Variants in TBC1D22A observed in about 807,000 individuals in gnomAD.
TBC1D22A encodes the protein putative GTPase activator.
In TBC1D22A, 38 loss-of-function variants were observed where a neutral mutation model predicts 60.2. The ratio of observed to expected loss-of-function variants is 0.63; its 90% CI spans 0.49 to 0.83. TBC1D22A has a LOEUF of 0.83. TBC1D22A is among the 40% of genes least tolerant of loss of function. The pLI, the probability that TBC1D22A is intolerant of heterozygous loss-of-function variation, is 0.00. For synonymous variants in TBC1D22A, 302 were observed against 281.7 expected (o/e 1.07, Z -0.72); for missense variants, 628 against 701.0 (o/e 0.90, Z 1.18).
rs138353598 is a variant in TBC1D22A at position 46,956,046 on chromosome 22, C to A, written c.1016-18244C>A. ...ACCTTTTTCAGTATGTGAAAATGATCAGGGTATAAATAAAAACAATAGGAC... is the reference window on the plus strand; with the variant it reads ...ACCTTTTTCAGTATGTGAAAATGATAAGGGTATAAATAAAAACAATAGGAC... On this transcript the variant is annotated intron_variant, in intron 8 of 12. Coordinates refer to ENST00000337137, the MANE Select transcript of TBC1D22A (RefSeq NM_014346.5). 2.2e-3 allele frequency among the ~76,000 whole-genome samples: 331 copies of A among 152,192 alleles called. 1 individual carries two copies. The highest frequency in any genetic ancestry group is 3.9e-3 in the Non-Finnish European group (266 of 67,998).
intron 4 of TBC1D22A, among the ~76,000 whole-genome samples, chr22:46,871,926 T>C (rs1293591779): frequency 6.6e-6 from 1 of 151,918 alleles, no homozygotes; most frequent in Admixed American, 6.5e-5. Flanking sequence ...GTTGGACTAA[T>C]GAACAGAAAA....
In TBC1D22A at chr22:47,136,265, C is replaced by T. The variant is rs563809447; in HGVS notation, c.1425+24662C>T. 1.4e-4 allele frequency among the ~76,000 whole-genome samples: 22 copies of T among 152,332 alleles called. No homozygotes were observed. In the South Asian group the frequency reaches 4.3e-3, roughly 30 times the overall value. ...CTAGGAGCAGTGAGGGTCCTGGCCC[C>T]CGCCCCAGGTCCCCACAGCCCCTTT... On this transcript the variant is annotated intron_variant, in intron 12 of 12. Coordinates refer to ENST00000337137, the MANE Select transcript of TBC1D22A (RefSeq NM_014346.5).
At chr22:47,129,777 C>CA (rs1351730111) in intron 12 of TBC1D22A, among the ~76,000 whole-genome samples, 4 of 152,230 alleles carry the variant, frequency 2.6e-5, no homozygotes, top group African/African-American at 9.6e-5. Flanking sequence ...TTTTGAGAGA[C>CA]TTTGACCAAA....
At chr22:46,819,323 G>C (rs567008483) in intron 4 of TBC1D22A, among the ~76,000 whole-genome samples, 1 of 152,262 alleles carries the variant, frequency 6.6e-6, no homozygotes, top group Admixed American at 6.5e-5. Flanking sequence ...TTTTCAGAGG[G>C]AATGCTTCCA....
At chr22:46,830,124 G>A (rs1456388989) in intron 4 of TBC1D22A, among the ~76,000 whole-genome samples, 1 of 152,256 alleles carries the variant, frequency 6.6e-6, no homozygotes, top group Non-Finnish European at 1.5e-5. Flanking sequence ...CTGGAAGGGT[G>A]TGGAGCTGGG....
chr22:47,127,720 G>A (rs1049288092), intron 12 of TBC1D22A, among the ~76,000 whole-genome samples: 1 of 152,096 alleles, frequency 6.6e-6, no homozygotes, highest in African/African-American at 2.4e-5. Context: ...CAGGCACTGA[G>A]CACTTTTCCC....
At chr22:47,110,953 A>G (rs1224938432) in intron 11 of TBC1D22A, among the ~76,000 whole-genome samples, 1 of 152,218 alleles carries the variant, frequency 6.6e-6, no homozygotes, top group Non-Finnish European at 1.5e-5. Context: ...GAGGAGAGAC[A>G]TGGGTGGTGA....
At chr22:47,036,235 T>C (rs887380542) in intron 10 of TBC1D22A, among the ~76,000 whole-genome samples, 1 of 152,156 alleles carries the variant, frequency 6.6e-6, no homozygotes, top group African/African-American at 2.4e-5. Flanking sequence ...AATGATTATT[T>C]GTTTTTATAA....
At chr22:46,905,480 G>A (rs2069395989) in intron 7 of TBC1D22A, among the ~76,000 whole-genome samples, 1 of 152,212 alleles carries the variant, frequency 6.6e-6, no homozygotes, top group African/African-American at 2.4e-5. Flanking sequence ...GGTCCGTGCA[G>A]GGTGTCCTGA....
At chr22:46,898,907 A>G (rs12170769) in intron 7 of TBC1D22A, among the ~76,000 whole-genome samples, 17,248 of 152,106 alleles carry the variant, frequency 0.11, 1,617 homozygotes, top group African/African-American at 0.26. Context: ...TTGAAATTCA[A>G]TTTCCTTTCA....
At chr22:47,139,523 A>G (rs368434139) in intron 12 of TBC1D22A, among the ~76,000 whole-genome samples, 1 of 152,152 alleles carries the variant, frequency 6.6e-6, no homozygotes. Context: ...CCTCCTGTAC[A>G]TTGAGCAGAG....
chr22:46,889,069 A>G (rs771180148), intron 5 of TBC1D22A, among the ~76,000 whole-genome samples: 8 of 152,242 alleles, frequency 5.3e-5, no homozygotes, highest in Non-Finnish European at 7.3e-5. Context: ...ACTGGACTTC[A>G]TGAAACTTTA....
chr22:47,001,220 C>T (rs192419041), intron 10 of TBC1D22A, among the ~76,000 whole-genome samples: 42 of 151,890 alleles, frequency 2.8e-4, no homozygotes, highest in African/African-American at 9.4e-4. Context: ...TACTGGAGTT[C>T]CCCAGAATGC....
chr22:47,113,846 A>T (rs908502247), intron 12 of TBC1D22A, among the ~76,000 whole-genome samples: 8 of 152,116 alleles, frequency 5.3e-5, no homozygotes, highest in Non-Finnish European at 8.8e-5. Context: ...GGAGATAGGG[A>T]CAGCTGTGGA....
chr22:47,043,258 C>T (rs780197314), intron 11 of TBC1D22A, among the ~76,000 whole-genome samples: 6 of 152,160 alleles, frequency 3.9e-5, no homozygotes, highest in Non-Finnish European at 8.8e-5. Flanking sequence ...TGATGGGGCC[C>T]CAGGTTCTAG....
chr22:46,994,118 C>CT (rs991807377), intron 9 of TBC1D22A, among the ~76,000 whole-genome samples: 4 of 151,838 alleles, frequency 2.6e-5, no homozygotes, highest in African/African-American at 9.7e-5. Context: ...AGGTGTCATT[C>CT]TTTTTTTTTA....
intron 9 of TBC1D22A, among the ~76,000 whole-genome samples, chr22:46,982,873 G>T (rs1338264036): frequency 6.6e-6 from 1 of 152,184 alleles, no homozygotes; most frequent in African/African-American, 2.4e-5. Context: ...CGGTGGCAGC[G>T]GTGGGGCGCC....
At chr22:46,767,937 C>T (rs1011233017) in intron 1 of TBC1D22A, 1 of 152,794 alleles carries the variant, frequency 6.5e-6, no homozygotes, top group African/African-American at 2.4e-5. Context: ...AAGACATGGA[C>T]TGTTCTTTGA....
Position 46,793,711 on chromosome 22 carries a change from G to A in TBC1D22A, c.330G>A (p.Gly110=), listed in dbSNP as rs149181794. 211 of 1,611,614 alleles carry A rather than the reference G, an allele frequency of 1.3e-4. No individual in the cohort carries two copies. In the African/African-American group the frequency reaches 2.7e-3, roughly 20 times the overall value. ...RVLRNHSQRQ[G]RPTLQEGPGL... is the part of the protein sequence containing the mutation. ...TGCGTAACCACAGCCAGCGGCAGGG[G>A]CGGCCCACGCTGCAGGAGGGGCCAG... The change falls in exon 3 of 13, where the codon GGG becomes GGA. Residue 110 remains glycine, a synonymous_variant. Transcript: ENST00000337137.
Sources: allele counts gnomAD v4.1 joint callset (sites outside exome capture counted in the v4.1 genomes callset), GRCh38; gene constraint gnomAD v4.1.1; transcripts MANE v1.5; gene names NCBI Gene and HGNC (gene_info 2026-07-23, HGNC 2026-07-21).